The following KLF13 variants were observed in gnomAD, a reference collection of about 807,000 sequenced individuals.
The protein encoded by KLF13 is KLF transcription factor 13, also known as Krueppel-like factor 13.
KLF13 carries 8 observed loss-of-function variants against 16.7 expected under a neutral mutation model. The observed-to-expected ratio is 0.48, with a 90% CI of 0.28 to 0.87. The LOEUF is 0.87. KLF13 is among the 40% of genes least tolerant of loss of function. KLF13 has a pLI of 0.10. For missense variants in KLF13, 447 were observed against 452.2 expected, an observed-to-expected ratio of 0.99 and a Z score of 0.10; for synonymous variants, 245 against 208.4, an observed-to-expected ratio of 1.18 and a Z score of -1.51.
In KLF13 at chr15:31,361,879, C is replaced by G. The variant is rs1438721489; in HGVS notation, c.578-10131C>G. 5.4e-5 allele frequency among the ~76,000 whole-genome samples: 8 copies of G among 148,894 alleles called. No homozygotes were observed. The East Asian group carries it at 1.6e-3, about 30-fold the overall frequency. On this transcript the variant is annotated intron_variant, in intron 1 of 1. Transcript: ENST00000307145. ...CAAGAGGCCTTTCCATACTGTGTCC[C>G]TTTCCCTACCCACCACGTGCTCTGC...
At chr15:31,414,347 A>G (rs2040231481) in intron 1 of KLF13, among the ~76,000 whole-genome samples, 2 of 152,214 alleles carry the variant, frequency 1.3e-5, no homozygotes, top group South Asian at 4.1e-4. Context: ...AGACAAAAAT[A>G]AAATAGACAT....
chr15:31,333,219 G>A (rs1199139943), intron 1 of KLF13, among the ~76,000 whole-genome samples: 2 of 152,146 alleles, frequency 1.3e-5, no homozygotes, highest in Non-Finnish European at 2.9e-5. Context: ...TTTCAAATAA[G>A]GAAGCTAAGG....
At chr15:31,412,215 A>G (rs1400408589) in intron 1 of KLF13, among the ~76,000 whole-genome samples, 2 of 152,192 alleles carry the variant, frequency 1.3e-5, no homozygotes, top group African/African-American at 4.8e-5. Context: ...TCTTTGAAAA[A>G]AAGGAGCTTT....
intron 1 of KLF13, among the ~76,000 whole-genome samples, chr15:31,418,927 T>C (rs146603041): frequency 6.6e-6 from 1 of 152,258 alleles, no homozygotes; most frequent in Non-Finnish European, 1.5e-5. Context: ...CTGGGCAACA[T>C]AGAGAGACCC....
At chr15:31,422,748 T>C (rs2040343901) in intron 1 of KLF13, among the ~76,000 whole-genome samples, 1 of 152,020 alleles carries the variant, frequency 6.6e-6, no homozygotes, top group Non-Finnish European at 1.5e-5. Flanking sequence ...AAAGAATCAA[T>C]TTTCAGCTGG....
At chr15:31,364,132 C>T (rs879363529) in intron 1 of KLF13, among the ~76,000 whole-genome samples, 4 of 115,058 alleles carry the variant, frequency 3.5e-5, no homozygotes, top group Non-Finnish European at 7.4e-5. Flanking sequence ...CTCGTTTCCC[C>T]CACGTCATTG....
At chr15:31,343,413 T>C (rs896100416) in intron 1 of KLF13, among the ~76,000 whole-genome samples, 1 of 152,184 alleles carries the variant, frequency 6.6e-6, no homozygotes, top group African/African-American at 2.4e-5. Flanking sequence ...CAGTCTTAAG[T>C]CTGCACACCT....
At chr15:31,406,475 T>C (rs554419829), downstream of KLF13, among the ~76,000 whole-genome samples, 21 of 152,206 alleles carry the variant, frequency 1.4e-4, no homozygotes, top group South Asian at 4.1e-3. Flanking sequence ...TCAGCCTAGG[T>C]GACAGAGTGA....
chr15:31,368,324 G>T (rs191310178), intron 1 of KLF13, among the ~76,000 whole-genome samples: 2 of 152,170 alleles, frequency 1.3e-5, no homozygotes, highest in Non-Finnish European at 2.9e-5. Flanking sequence ...ATTTAATGCT[G>T]GACTTTCCCA....
At position 31,327,258 on chromosome 15, in the gene KLF13, G is replaced by C; in HGVS notation, c.46G>C (p.Val16Leu). Residue 16 changes from valine (V) to leucine (L), a missense_variant, in exon 1 of 2, where the codon GTG (valine) becomes CTG (leucine). Val to Leu is a conservative substitution (Grantham distance 32). Coordinates refer to ENST00000307145, the MANE Select transcript of KLF13 (RefSeq NM_015995.4). The part of the protein sequence containing the change: ...YVDHFAAECL[V>L]SMSSRAVVHG... ...GGACCACTTCGCCGCCGAGTGCCTC[G>C]TGTCCATGTCGAGCCGCGCGGTCGT... is the stretch of plus-strand genomic sequence containing the variant. The C allele has an allele frequency of 7.3e-7, 1 of 1,375,864 alleles. No individual in the cohort carries two copies. Among genetic ancestry groups the C allele is most frequent in the Non-Finnish European group, 9.4e-7 (1 of 1,062,930 alleles). 85.2% of individuals were successfully genotyped at this position (1,375,864 alleles called of 1,614,324 possible). A position where few individuals can be genotyped will look rare whatever the true frequency, so the allele number is the denominator to read the frequency against.
rs1234015337 is a variant in KLF13 at position 31,327,172 on chromosome 15, G to T, written c.-41G>T. ...CCGTGGGTGCGGATGCGCGGCTGAC[G>T]ACTCGCAGCAAGAGCACCGCCGCCG... On this transcript the variant is annotated 5_prime_UTR_variant, in exon 1 of 2. Coordinates refer to ENST00000307145, the MANE Select transcript of KLF13 (RefSeq NM_015995.4). 1.7e-6 allele frequency: 2 copies of T among 1,200,984 alleles called. No homozygotes were observed. The highest frequency in any genetic ancestry group is 2.1e-6 in the Non-Finnish European group (2 of 964,402). 74.4% of individuals were successfully genotyped at this position (1,200,984 alleles called of 1,614,324 possible).
rs556701891 is a variant in KLF13 at position 31,370,448 on chromosome 15, T to G, written c.578-1562T>G. 1.6e-4 allele frequency among the ~76,000 whole-genome samples: 24 copies of G among 151,174 alleles called. No homozygotes were observed. The South Asian group carries it at 5.0e-3, about 32-fold the overall frequency. On this transcript the variant is annotated intron_variant, in intron 1 of 1. Coordinates refer to ENST00000307145, the MANE Select transcript of KLF13 (RefSeq NM_015995.4). ...TGCTTTTTTTTTTTGAGACAGACCCTTGCTCTCTTGCCCAGGCTGGAGTGC... is the reference window on the plus strand; with the variant it reads ...TGCTTTTTTTTTTTGAGACAGACCCGTGCTCTCTTGCCCAGGCTGGAGTGC...
intron 1 of KLF13, among the ~76,000 whole-genome samples, chr15:31,333,853 A>G (rs2038879252): frequency 6.6e-6 from 1 of 152,120 alleles, no homozygotes; most frequent in South Asian, 2.1e-4. Context: ...ACAACTCACA[A>G]TGTGGATTGG....
At chr15:31,343,733 C>T (rs951391906) in intron 1 of KLF13, among the ~76,000 whole-genome samples, 8 of 152,190 alleles carry the variant, frequency 5.3e-5, no homozygotes, top group African/African-American at 9.7e-5. Context: ...TCCAACAGCA[C>T]GCACAGCCCT....
intron 2 of KLF13, among the ~76,000 whole-genome samples, chr15:31,399,591 C>T (rs2040005213): frequency 6.6e-6 from 1 of 152,230 alleles, no homozygotes; most frequent in South Asian, 2.1e-4. Context: ...CTAGGCCTGC[C>T]CCCTCTACTC....
chr15:31,423,077 TTACA>T (rs1267889332), intron 1 of KLF13, among the ~76,000 whole-genome samples: 1 of 21,712 alleles, frequency 4.6e-5, no homozygotes, highest in Non-Finnish European at 9.7e-5. Flanking sequence ...CATATAACAA[TTACA>T]TATATATACG....
intron 1 of KLF13, among the ~76,000 whole-genome samples, chr15:31,346,687 TCA>T (rs1395177493): frequency 6.6e-6 from 1 of 152,230 alleles, no homozygotes; most frequent in African/African-American, 2.4e-5. Flanking sequence ...TTTAAAGGCA[TCA>T]CCTTCAACTG....
chr15:31,335,479 G>GTGTGT (rs1555373645), intron 1 of KLF13, among the ~76,000 whole-genome samples: 14 of 139,638 alleles, frequency 1.0e-4, no homozygotes, highest in African/African-American at 1.8e-4. Context: ...GTGTGTGTAT[G>GTGTGT]GTGGCGGGGC....
At chr15:31,393,849 C>T (rs2140985582) in intron 2 of KLF13, among the ~76,000 whole-genome samples, 1 of 152,298 alleles carries the variant, frequency 6.6e-6, no homozygotes, top group Non-Finnish European at 1.5e-5. Context: ...CAAGGACATG[C>T]TGCCTGGCTG....
Sources: gnomAD v4.1 joint callset for allele counts (sites outside exome capture counted in the v4.1 genomes callset) on GRCh38, gnomAD v4.1.1 for gene constraint, MANE v1.5 for transcripts, NCBI Gene and HGNC (gene_info 2026-07-23, HGNC 2026-07-21) for gene names.